MIPOL1: variants seen among roughly 807,000 people sequenced by gnomAD.
MIPOL1 encodes mirror-image polydactyly gene 1 protein.
A neutral mutation model predicts 60.9 loss-of-function variants in MIPOL1; 57 were observed. The ratio of observed to expected loss-of-function variants is 0.94; its 90% CI spans 0.76 to 1.17. The LOEUF (loss-of-function observed/expected upper bound fraction) is 1.17, where lower values mean the gene tolerates loss of function less well. Ranked by LOEUF, MIPOL1 falls within the 50% of genes most tolerant of loss-of-function variation. The pLI is 0.00. For missense variants in MIPOL1, 551 were observed against 511.6 expected (o/e 1.08, Z -0.74); for synonymous variants, 179 against 168.8 (o/e 1.06, Z -0.47).
intron 10 of MIPOL1, among the ~76,000 whole-genome samples, chr14:37,381,550 G>A (rs1955956): frequency 0.97 from 147,206 of 151,954 alleles, 71,377 homozygotes; most frequent in East Asian, 1. Context: ...TTCCAAAATA[G>A]TAAAATCTGG....
chr14:37,519,147 G>A (rs2095393804), intron 12 of MIPOL1, among the ~76,000 whole-genome samples: 1 of 152,102 alleles, frequency 6.6e-6, no homozygotes, highest in African/African-American at 2.4e-5. Context: ...GTTAAAAGAA[G>A]CAACCTTGGT....
chr14:37,350,049 A>G (rs971400949), intron 9 of MIPOL1, among the ~76,000 whole-genome samples: 4 of 152,144 alleles, frequency 2.6e-5, no homozygotes, highest in Admixed American at 6.5e-5. Context: ...AACAGTTTGT[A>G]TTATTTCCTG....
chr14:37,227,646 C>T (rs1415160447), intron 1 of MIPOL1: 1 of 152,180 alleles, frequency 6.6e-6, no homozygotes, highest in East Asian at 1.9e-4. Flanking sequence ...CTGGCAATCT[C>T]TTTAAGTTGT....
At chr14:37,310,603 G>T (rs1349387135) in intron 9 of MIPOL1, among the ~76,000 whole-genome samples, 2 of 152,074 alleles carry the variant, frequency 1.3e-5, no homozygotes, top group African/African-American at 2.4e-5. Flanking sequence ...TTAACCACTT[G>T]TTCCTTTTCT....
At chr14:37,248,038 T>G (rs1973454036) in intron 3 of MIPOL1, 131 bp downstream of exon 3, 2 of 749,334 alleles carry the variant, frequency 2.7e-6, no homozygotes, top group Admixed American at 2.7e-5. Flanking sequence ...ACACAAAACA[T>G]GCACACAGAG....
intron 9 of MIPOL1, among the ~76,000 whole-genome samples, chr14:37,351,606 T>G (rs866273631): frequency 0.065 from 9,256 of 142,620 alleles, 737 homozygotes; most frequent in African/African-American, 0.23. Flanking sequence ...CCATTCTAAC[T>G]GGTGTGAGAT....
chr14:37,313,617 G>A (rs1419883334), intron 9 of MIPOL1, among the ~76,000 whole-genome samples: 2 of 152,132 alleles, frequency 1.3e-5, no homozygotes, highest in Non-Finnish European at 2.9e-5. Context: ...CAAAAGTCTT[G>A]TCATAGAGAC....
At chr14:37,510,136 T>C (rs1217387424) in intron 12 of MIPOL1, among the ~76,000 whole-genome samples, 1 of 152,084 alleles carries the variant, frequency 6.6e-6, no homozygotes, top group Non-Finnish European at 1.5e-5. Flanking sequence ...ATAAAGCTTA[T>C]ATATACACAC....
chr14:37,317,171 T>G, intron 9 of MIPOL1, among the ~76,000 whole-genome samples: 1 of 152,152 alleles, frequency 6.6e-6, no homozygotes, highest in East Asian at 1.9e-4. Context: ...GTTGATAAAT[T>G]TAGTAAAGGG....
chr14:37,467,552 AAGT>A (rs1336122370), intron 11 of MIPOL1, among the ~76,000 whole-genome samples: 37 of 152,296 alleles, frequency 2.4e-4, no homozygotes, highest in African/African-American at 8.4e-4. Flanking sequence ...ATGTAAACGG[AAGT>A]AGAAGTTACC....
Position 37,422,968 on chromosome 14 carries a change from T to G in MIPOL1, c.1031+19T>G, listed in dbSNP as rs765768458. 6.9e-7 allele frequency: 1 copy of G among 1,458,806 alleles called. No individual in the cohort carries two copies. Among genetic ancestry groups the G allele is most frequent in the South Asian group, 1.2e-5 (1 of 82,780 alleles). The allele number at this position is 1,458,806 out of a possible 1,614,324, so 90.4% of individuals were successfully genotyped here. On this transcript the variant is annotated intron_variant, in intron 11 of 12. Transcript: ENST00000684589. The stretch of plus-strand genomic sequence containing the variant: ...ACTACAGGTAAAATTCTTTTTAGCC[T>G]GGGGTTAAGTAAATATTGTTAGTTT...
chr14:37,469,834 C>A lies in MIPOL1; in HGVS notation c.1032-30074C>A, dbSNP rs568020003. ...GTGTCCACCTTCCACCATGGGATGACCCTCACCAGATGCCAGTGCCATGCT... is the reference window on the plus strand; with the variant it reads ...GTGTCCACCTTCCACCATGGGATGAACCTCACCAGATGCCAGTGCCATGCT... On this transcript the variant is annotated intron_variant, in intron 11 of 12. Coordinates refer to ENST00000684589, the MANE Select transcript of MIPOL1 (RefSeq NM_001388067.1). Among the ~76,000 whole-genome samples the A allele has an allele frequency of 3.8e-4, 58 of 152,310 alleles. No homozygotes were observed. The South Asian group carries it at 9.3e-3, about 25-fold the overall frequency.
rs148520871 is a variant in MIPOL1, at chr14:37,455,757, T to C, written c.1031+32808T>C. 2.0e-5 allele frequency among the ~76,000 whole-genome samples: 3 copies of C among 152,292 alleles called. No homozygotes were observed. The East Asian group carries it at 5.8e-4, about 29-fold the overall frequency. ...AAGGCAAGGATGCTCTTACTGAGTT[T>C]ATAACTCTAGGGCAACTAATGTGTT... On this transcript the variant is annotated intron_variant, in intron 11 of 12. Coordinates refer to ENST00000684589, the MANE Select transcript of MIPOL1 (RefSeq NM_001388067.1).
chr14:37,508,784 T>G (rs145242467), intron 12 of MIPOL1, among the ~76,000 whole-genome samples: 18 of 152,202 alleles, frequency 1.2e-4, no homozygotes, highest in Non-Finnish European at 2.4e-4. Context: ...CAGGACTAAA[T>G]GCCTTTGTGT....
At chr14:37,282,837 G>C (rs1157191890) in intron 6 of MIPOL1, among the ~76,000 whole-genome samples, 1 of 151,370 alleles carries the variant, frequency 6.6e-6, no homozygotes, top group Non-Finnish European at 1.5e-5. Flanking sequence ...ATTCAGCATG[G>C]ATCTAATTAG....
intron 11 of MIPOL1, among the ~76,000 whole-genome samples, chr14:37,426,357 C>A: frequency 6.6e-6 from 1 of 151,386 alleles, no homozygotes; most frequent in Admixed American, 6.6e-5. Flanking sequence ...CACCTGAGGT[C>A]AGGAGTTCAA....
intron 9 of MIPOL1, among the ~76,000 whole-genome samples, chr14:37,345,288 T>C (rs1270650477): frequency 1.3e-5 from 2 of 152,100 alleles, no homozygotes; most frequent in South Asian, 2.1e-4. Flanking sequence ...TCATTTTTTG[T>C]AGAGACAAAG....
chr14:37,235,748 C>A (rs957301390), intron 1 of MIPOL1, among the ~76,000 whole-genome samples: 1 of 152,020 alleles, frequency 6.6e-6, no homozygotes, highest in African/African-American at 2.4e-5. Context: ...CTCCATATTG[C>A]CCCTCCCCTG....
chr14:37,335,159 G>A (rs922219430), intron 9 of MIPOL1, among the ~76,000 whole-genome samples: 5 of 151,902 alleles, frequency 3.3e-5, no homozygotes, highest in African/African-American at 7.3e-5. Flanking sequence ...CTACATTCTC[G>A]CTAACACCTG....
Sources: gnomAD v4.1 joint callset for allele counts (sites outside exome capture counted in the v4.1 genomes callset) on GRCh38, gnomAD v4.1.1 for gene constraint, MANE v1.5 for transcripts, NCBI Gene and HGNC (gene_info 2026-07-23, HGNC 2026-07-21) for gene names.